ESRP2: variants seen among roughly 807,000 people sequenced by gnomAD.
ESRP2 encodes epithelial splicing regulatory protein 2.
ESRP2 carries 48 observed loss-of-function variants against 78.6 expected under a neutral mutation model. That is an observed-to-expected ratio of 0.61 (90% CI 0.48 to 0.78). The LOEUF is 0.78. Among genes scored for constraint, ESRP2 ranks in the 30% least tolerant of loss-of-function variants. The pLI is 0.00. For synonymous variants in ESRP2, 383 were observed against 406.7 expected (o/e 0.94, Z 0.70); for missense variants, 863 against 965.9 (o/e 0.89, Z 1.41).
At position 68,230,159 on chromosome 16, in the gene ESRP2, C is replaced by A; in HGVS notation, c.*67G>T. On this transcript the variant is annotated 3_prime_UTR_variant, in exon 15 of 15. Coordinates refer to ENST00000473183, the MANE Select transcript of ESRP2 (RefSeq NM_024939.3). The stretch of plus-strand genomic sequence containing the variant: ...AAGCTACCAGGTTGAGGGTGCTGGT[C>A]TTCTGGACTCAGGAGAGACATGTTC... 1 of 1,486,784 alleles carries A rather than the reference C, an allele frequency of 6.7e-7. No homozygotes were observed. The highest frequency in any genetic ancestry group is 9.4e-7 in the Non-Finnish European group (1 of 1,065,054). 92.1% of individuals were successfully genotyped at this position (1,486,784 alleles called of 1,614,324 possible).
chr16:68,235,536 C>T lies in ESRP2; in HGVS notation c.327+98G>A, dbSNP rs1176002931. On this transcript the variant is annotated intron_variant, in intron 2 of 14. Coordinates refer to ENST00000473183, the MANE Select transcript of ESRP2 (RefSeq NM_024939.3). The surrounding 1 kb of genome is among the most constrained non-coding windows in gnomAD (Gnocchi z 5.5). ...AAGAGCCCAGTCCTGCCGCCTGGAC[C>T]GGTTGGTTGCGGCACGCCAGGCCTA... is the stretch of plus-strand genomic sequence containing the variant. 1 of 1,519,580 alleles carries T rather than the reference C, an allele frequency of 6.6e-7. No homozygotes were observed. The highest frequency in any genetic ancestry group is 1.3e-5 in the South Asian group (1 of 79,288). 94.1% of individuals were successfully genotyped at this position (1,519,580 alleles called of 1,614,324 possible).
Position 68,233,809 on chromosome 16 carries a change from G to A in ESRP2, c.515C>T (p.Thr172Ile), listed in dbSNP as rs147005145. Residue 172 changes from threonine to isoleucine, a missense_variant, in exon 4 of 15, where the codon ACC (threonine) becomes ATC (isoleucine). Coordinates refer to ENST00000473183, the MANE Select transcript of ESRP2 (RefSeq NM_024939.3). Reference protein sequence around the residue: ...RREFHMQHPSTCPARDLTVAT... With the variant: ...RREFHMQHPSICPARDLTVAT... The stretch of plus-strand genomic sequence containing the variant: ...CACAGTGAGGTCCCTGGCAGGGCAG[G>A]TGCTTGGATGCTGCATATGGAATTC... 10 of 1,613,982 alleles carry A rather than the reference G, an allele frequency of 6.2e-6. No individual in the cohort carries two copies. The African/African-American group carries it at 1.3e-4, about 22-fold the overall frequency.
Position 68,232,518 on chromosome 16 carries a change from C to T in ESRP2, c.822-15G>A. ...CTACACCACCCCTGTGGAGCCAGTG[C>T]TGTTAGTGCCTCCTGGGTAGGCCTG... On this transcript the variant is annotated splice_polypyrimidine_tract_variant and intron_variant, in intron 7 of 14. Transcript: ENST00000473183. The surrounding 1 kb of genome is among the most constrained non-coding windows in gnomAD (Gnocchi z 5.2). The T allele has an allele frequency of 6.2e-7, 1 of 1,614,090 alleles. No homozygotes were observed.
chr16:68,233,903 G>A (rs1381213854), intron 3 of ESRP2, 21 bp from the exon 4 acceptor site: 2 of 1,606,542 alleles, frequency 1.2e-6, no homozygotes, highest in Non-Finnish European at 1.7e-6. Context: ...ATAGGATTGA[G>A]GATGAGCGCC....
chr16:68,233,218 AT>A, intron 5 of ESRP2, 108 bp downstream of exon 5: 1 of 763,514 alleles, frequency 1.3e-6, no homozygotes, highest in Non-Finnish European at 2.2e-6. Context: ...AAAAAAAGAA[AT>A]GACAAAGAGG....
In ESRP2 at chr16:68,231,138, A is replaced by G; in HGVS notation, c.1711+40T>C. ...GGTAGGGGCTTACAACAGCCTGGCTACCACAGGCCTCCTCCTCCCCTAGCC... is the reference window on the plus strand; with the variant it reads ...GGTAGGGGCTTACAACAGCCTGGCTGCCACAGGCCTCCTCCTCCCCTAGCC... On this transcript the variant is annotated intron_variant, in intron 12 of 14. Coordinates refer to ENST00000473183, the MANE Select transcript of ESRP2 (RefSeq NM_024939.3). The surrounding 1 kb of genome is among the most constrained non-coding windows in gnomAD (Gnocchi z 6.0). 6.2e-7 allele frequency: 1 copy of G among 1,610,616 alleles called. No individual in the cohort carries two copies. The highest frequency in any genetic ancestry group is 8.5e-7 in the Non-Finnish European group (1 of 1,178,038).
chr16:68,230,716 C>T (rs2042120407), intron 13 of ESRP2, 125 bp downstream of exon 13: 1 of 1,449,674 alleles, frequency 6.9e-7, no homozygotes, highest in Non-Finnish European at 9.4e-7. Context: ...ATGGCATTAG[C>T]CAGCTGCCAC....
chr16:68,230,156 G>T lies in ESRP2; in HGVS notation c.*70C>A, dbSNP rs183449471. 11 of 1,437,378 alleles carry T rather than the reference G, an allele frequency of 7.7e-6. No individual in the cohort carries two copies. In the African/African-American group the frequency reaches 1.5e-4, roughly 20 times the overall value. 89.0% of individuals were successfully genotyped at this position (1,437,378 alleles called of 1,614,324 possible). A position where few individuals can be genotyped will look rare whatever the true frequency, so the allele number is the denominator to read the frequency against. On this transcript the variant is annotated 3_prime_UTR_variant, in exon 15 of 15. Coordinates refer to ENST00000473183, the MANE Select transcript of ESRP2 (RefSeq NM_024939.3). The stretch of plus-strand genomic sequence containing the variant: ...AAGAAGCTACCAGGTTGAGGGTGCT[G>T]GTCTTCTGGACTCAGGAGAGACATG...
chr16:68,232,766 C>A lies in ESRP2; in HGVS notation c.705G>T (p.Gly235=), dbSNP rs773022176. The change falls in exon 6 of 15, where the codon GGG becomes GGT. Residue 235 remains glycine, a synonymous_variant. Coordinates refer to ENST00000473183, the MANE Select transcript of ESRP2 (RefSeq NM_024939.3). The surrounding 1 kb of genome is among the most constrained non-coding windows in gnomAD (Gnocchi z 5.2). ...GCCCCTGCTCCCACACTCACCAAGG[C>A]CCCGTCTCGTATTTCTGCTTTATCA... is the stretch of plus-strand genomic sequence containing the variant. The part of the protein sequence containing the change: ...PEVIKQKYET[G]PCSKADVVDS... 1.2e-6 allele frequency: 2 copies of A among 1,614,248 alleles called. No individual in the cohort carries two copies. Among genetic ancestry groups the A allele is most frequent in the Non-Finnish European group, 1.7e-6 (2 of 1,180,038 alleles).
rs762889970 is a variant in ESRP2 at position 68,235,732 on chromosome 16, C to T, written c.229G>A (p.Ala77Thr). ...VGTLHKSLVR[A>T]EAAALSTQCR... is the part of the protein sequence containing the mutation. ...TGCGTACTCAGTGCGGCCGCCTCGG[C>T]ACGAACCAGCGATTTGTGCAGCGTC... Residue 77 changes from alanine (A) to threonine (T), a missense_variant, in exon 2 of 15, where the codon GCC (alanine) becomes ACC (threonine). Physicochemically the swap from Ala to Thr is moderately conservative, Grantham distance 58. Coordinates refer to ENST00000473183, the MANE Select transcript of ESRP2 (RefSeq NM_024939.3). This position sits in a 1 kb window ranked among gnomAD's most constrained non-coding sequence, Gnocchi z 5.5. 2.5e-6 allele frequency: 4 copies of T among 1,607,738 alleles called. No homozygotes were observed. The highest frequency in any genetic ancestry group is 1.1e-5 in the South Asian group (1 of 90,896).
intron 5 of ESRP2, chr16:68,233,097 G>T (rs2042168562): frequency 3.3e-6 from 2 of 611,620 alleles, no homozygotes; most frequent in East Asian, 2.8e-5. Context: ...TACTCTGGAG[G>T]CTTAGACAGG....
chr16:68,236,077 A>C lies in ESRP2; in HGVS notation c.-32T>G, dbSNP rs965706377. The stretch of plus-strand genomic sequence containing the variant: ...AGAGGAAGGGGGCTCTCGGCCAGAC[A>C]CGCGGACCGACGAGGCGCACGCACG... On this transcript the variant is annotated 5_prime_UTR_variant, in exon 1 of 15. Coordinates refer to ENST00000473183, the MANE Select transcript of ESRP2 (RefSeq NM_024939.3). The surrounding 1 kb of genome is among the most constrained non-coding windows in gnomAD (Gnocchi z 5.2). The C allele has an allele frequency of 3.5e-5, 49 of 1,395,474 alleles. No homozygotes were observed. Among genetic ancestry groups the C allele is most frequent in the Non-Finnish European group, 4.3e-5 (47 of 1,086,692 alleles). The allele number at this position is 1,395,474 out of a possible 1,614,324, so 86.4% of individuals were successfully genotyped here.
Position 68,236,111 on chromosome 16 carries a change from G to A in ESRP2, c.-66C>T. ...GACGAGGCGCACGCACGCACCGACC[G>A]ACCGCAGACGCGGATCAGCTTGGGC... On this transcript the variant is annotated 5_prime_UTR_variant, in exon 1 of 15. Transcript: ENST00000473183. The surrounding 1 kb of genome is among the most constrained non-coding windows in gnomAD (Gnocchi z 5.2). 7.4e-7 allele frequency: 1 copy of A among 1,349,218 alleles called. No individual in the cohort carries two copies. Among genetic ancestry groups the A allele is most frequent in the Non-Finnish European group, 9.4e-7 (1 of 1,058,252 alleles). The allele number at this position is 1,349,218 out of a possible 1,614,324, so 83.6% of individuals were successfully genotyped here. A position where few individuals can be genotyped will look rare whatever the true frequency, so the allele number is the denominator to read the frequency against.
At chr16:68,233,746 A>G in intron 4 of ESRP2, 22 bp downstream of exon 4, 8 of 1,587,358 alleles carry the variant, frequency 5.0e-6, no homozygotes, top group Non-Finnish European at 6.9e-6. Context: ...TCTCCACCCT[A>G]ACCCTGCTGG....
chr16:68,235,068 G>C lies in ESRP2; in HGVS notation c.327+566C>G. ...TCAGCTAGGGCAGGAGGCACCCCAG[G>C]CCTTTGCACTCAGCAGGCAGATAGT... is the stretch of plus-strand genomic sequence containing the variant. On this transcript the variant is annotated intron_variant, in intron 2 of 14. Coordinates refer to ENST00000473183, the MANE Select transcript of ESRP2 (RefSeq NM_024939.3). This position sits in a 1 kb window ranked among gnomAD's most constrained non-coding sequence, Gnocchi z 5.5. 1 of 962,214 alleles carries C rather than the reference G, an allele frequency of 1.0e-6. No individual in the cohort carries two copies. The highest frequency in any genetic ancestry group is 1.2e-4 in the East Asian group (1 of 8,684). 59.6% of individuals were successfully genotyped at this position (962,214 alleles called of 1,614,324 possible). A position where few individuals can be genotyped will look rare whatever the true frequency, so the allele number is the denominator to read the frequency against.
Position 68,235,892 on chromosome 16 carries a change from A to G in ESRP2, c.154T>C (p.Leu52=). 1 of 1,611,518 alleles carries G rather than the reference A, an allele frequency of 6.2e-7. No individual in the cohort carries two copies. Among genetic ancestry groups the G allele is most frequent in the African/African-American group, 1.3e-5 (1 of 74,934 alleles). The change falls in exon 1 of 15, where the codon TTA becomes CTA. Residue 52 remains leucine, a synonymous_variant. Coordinates refer to ENST00000473183, the MANE Select transcript of ESRP2 (RefSeq NM_024939.3). The surrounding 1 kb of genome is among the most constrained non-coding windows in gnomAD (Gnocchi z 5.5). ...GRDLGSDETD[L]ILLVWQVVEP... Reference sequence around the variant, plus strand: ...ACCACTTGCCAAACTAGGAGGATTAAGTCGGTCTCGTCCGAGCCCAGGTCC... The same window carrying G: ...ACCACTTGCCAAACTAGGAGGATTAGGTCGGTCTCGTCCGAGCCCAGGTCC...
rs1351603735 is a variant in ESRP2, at chr16:68,229,318, G to A, written c.*908C>T. 1 of 152,414 alleles carries A rather than the reference G, an allele frequency of 6.6e-6. No individual in the cohort carries two copies. Among genetic ancestry groups the A allele is most frequent in the Non-Finnish European group, 1.5e-5 (1 of 68,022 alleles). 9.4% of individuals were successfully genotyped at this position (152,414 alleles called of 1,614,324 possible). ...GTTGGTGTGGAGCCCCTCACTTTGG[G>A]GCAAAGTTAAGGGTCCTGTGTCTTT... On this transcript the variant is annotated 3_prime_UTR_variant, in exon 15 of 15. Coordinates refer to ENST00000473183, the MANE Select transcript of ESRP2 (RefSeq NM_024939.3).
chr16:68,233,124 G>A (rs567775576), intron 5 of ESRP2: 9 of 609,862 alleles, frequency 1.5e-5, no homozygotes, highest in South Asian at 6.1e-5. Context: ...GCTTGAACCC[G>A]GAAAGTGGAG....
At position 68,235,977 on chromosome 16, in the gene ESRP2, G is replaced by A. The variant is rs1233282267; in HGVS notation, c.69C>T (p.Pro23=). The A allele has an allele frequency of 6.3e-7, 1 of 1,596,408 alleles. No homozygotes were observed. Among genetic ancestry groups the A allele is most frequent in the Non-Finnish European group, 8.5e-7 (1 of 1,173,500 alleles). Residue 23 remains proline, a synonymous_variant, in exon 1 of 15, where the codon CCC becomes CCT. Transcript: ENST00000473183. This position sits in a 1 kb window ranked among gnomAD's most constrained non-coding sequence, Gnocchi z 5.5. ...PDPAADPAAD[P]CPWPGSLVVL... ...CGACCAGTGATCCGGGCCAGGGGCA[G>A]GGGTCCGCGGCGGGGTCGGCCGCGG...
Sources: allele counts gnomAD v4.1 joint callset, GRCh38; gene constraint gnomAD v4.1.1; non-coding constraint Gnocchi (gnomAD v3.1); transcripts MANE v1.5; gene names NCBI Gene and HGNC (gene_info 2026-07-23, HGNC 2026-07-21).